IFIT3: variants seen among roughly 807,000 people sequenced by gnomAD.
IFIT3 encodes interferon-induced protein with tetratricopeptide repeats 3.
Under a neutral mutation model 2.4 loss-of-function variants are expected in IFIT3, and 2 were observed. The ratio of observed to expected loss-of-function variants is 0.82; its 90% confidence interval spans 0.34 to 2.60. IFIT3 has a LOEUF of 2.60. Ranked by LOEUF, IFIT3 falls within the 30% of genes most tolerant of loss-of-function variation. IFIT3 has a pLI of 0.11. For synonymous variants in IFIT3, 203 were observed against 212.1 expected, an observed-to-expected ratio of 0.96 and a Z score of 0.37; for missense variants, 481 against 562.4, an observed-to-expected ratio of 0.86 and a Z score of 1.46.
At chr10:89,338,151 G>A (rs1843776610) in intron 1 of IFIT3, 1 of 154,410 alleles carries the variant, frequency 6.5e-6, no homozygotes, top group Non-Finnish European at 1.4e-5. Context: ...ATAAGTCAAG[G>A]AACATCTATA....
At chr10:89,337,883 C>A (rs578232226) in intron 1 of IFIT3, among the ~76,000 whole-genome samples, 28 of 152,298 alleles carry the variant, frequency 1.8e-4, no homozygotes, top group African/African-American at 6.5e-4. Flanking sequence ...ATTTTTCCAA[C>A]CTTGTGATGG....
At chr10:89,329,598 G>A (rs1455655301) in intron 1 of IFIT3, among the ~76,000 whole-genome samples, 1 of 152,102 alleles carries the variant, frequency 6.6e-6, no homozygotes, top group Non-Finnish European at 1.5e-5. Flanking sequence ...AAAATCACCT[G>A]GAGAACTCAC....
intron 1 of IFIT3, among the ~76,000 whole-genome samples, chr10:89,336,648 G>A (rs1343312858): frequency 6.6e-6 from 1 of 152,162 alleles, no homozygotes; most frequent in Non-Finnish European, 1.5e-5. Context: ...CTTTTTCAGT[G>A]GCAAGGAAAA....
intron 1 of IFIT3, chr10:89,332,443 TCCCCTC>T (rs2133545339): frequency 2.1e-6 from 3 of 1,413,598 alleles, no homozygotes; most frequent in Admixed American, 2.9e-5. Context: ...TGTTTCAGTT[TCCCCTC>T]AAGAGGGATC....
chr10:89,332,004 G>A (rs536024650), intron 1 of IFIT3, among the ~76,000 whole-genome samples: 41 of 152,226 alleles, frequency 2.7e-4, no homozygotes, highest in African/African-American at 6.3e-4. Flanking sequence ...AGGCCAAGGC[G>A]GGCAGATCAT....
rs775883548 is a variant in IFIT3 at position 89,328,892 on chromosome 10, T to C, written c.5+814T>C. Among the ~76,000 whole-genome samples the C allele has an allele frequency of 1.3e-5, 2 of 152,312 alleles. 1 individual carries two copies. Among genetic ancestry groups the C allele is most frequent in the Middle Eastern group, 6.8e-3 (2 of 294 alleles). ...TCCCAAAAGAATCTTTTTAGAATCA[T>C]AGGAATAGTCTATAGGGAGGTAGTG... On this transcript the variant is annotated intron_variant, in intron 1 of 1. Transcript: ENST00000371818.
rs578154457 is a variant in IFIT3 at position 89,334,478 on chromosome 10, CTTTTTTTTTTTTTTTTTTTT to C, written c.6-4167_6-4148del. On this transcript the variant is annotated intron_variant, in intron 1 of 1. Transcript: ENST00000371818. ...TGTTTTTTCTTCTTTTTCTTTTATT[CTTTTTTTTTTTTTTTTTTTT>C]TTTTTTTTTTTTTTTGAGACGGAGT... Among the ~76,000 whole-genome samples, 8 of 25,334 alleles carry C rather than the reference CTTTTTTTTTTTTTTTTTTTT, an allele frequency of 3.2e-4. 1 individual carries two copies. The East Asian group carries it at 3.4e-3, about 11-fold the overall frequency. The allele number at this position is 25,334 out of a possible 152,430, so 16.6% of individuals were successfully genotyped here.
rs575579464 is a variant in IFIT3 at position 89,340,386 on chromosome 10, G to A, written c.*258G>A. The A allele has an allele frequency of 8.1e-5, 21 of 259,328 alleles. No homozygotes were observed. Among genetic ancestry groups the A allele is most frequent in the African/African-American group, 2.6e-4 (12 of 45,358 alleles). 16.1% of individuals were successfully genotyped at this position (259,328 alleles called of 1,614,324 possible). A position where few individuals can be genotyped will look rare whatever the true frequency, so the allele number is the denominator to read the frequency against. ...ATCCTGGCTAACACAGTGAAATCCC[G>A]TCTCTACTAAAAATACAAAAAATTA... is the stretch of plus-strand genomic sequence containing the variant. On this transcript the variant is annotated 3_prime_UTR_variant, in exon 2 of 2. Transcript: ENST00000371818.
At position 89,338,780 on chromosome 10, in the gene IFIT3, T is replaced by C. The variant is rs1216868717; in HGVS notation, c.125T>C (p.Ile42Thr). 3.1e-6 allele frequency: 5 copies of C among 1,613,938 alleles called. No homozygotes were observed. Among genetic ancestry groups the C allele is most frequent in the East Asian group, 2.2e-5 (1 of 44,884 alleles). Residue 42 changes from isoleucine to threonine, a missense_variant, in exon 2 of 2, where the codon ATT (isoleucine) becomes ACT (threonine). By Grantham distance (89) the Ile-to-Thr change is moderately conservative (BLOSUM62 -1). Transcript: ENST00000371818. ...RDLEDRVCNQ[I>T]EFLNTEFKAT... ...CTAGAAGATAGAGTGTGTAACCAGATTGAATTTTTAAACACTGAGTTCAAA... is the reference window on the plus strand; with the variant it reads ...CTAGAAGATAGAGTGTGTAACCAGACTGAATTTTTAAACACTGAGTTCAAA...
intron 1 of IFIT3, 27 bp downstream of exon 1, chr10:89,328,105 T>G (rs375962330): frequency 1.9e-6 from 3 of 1,612,008 alleles, no homozygotes; most frequent in Non-Finnish European, 1.7e-6. Flanking sequence ...TGCATAATCA[T>G]GCTTGTTTTT....
intron 1 of IFIT3, chr10:89,332,518 C>G: frequency 1.9e-6 from 3 of 1,608,820 alleles, no homozygotes; most frequent in Admixed American, 3.4e-5. Flanking sequence ...ACAGACCTAA[C>G]AGCACCCTGG....
chr10:89,331,057 C>T (rs1435669104), intron 1 of IFIT3, among the ~76,000 whole-genome samples: 1 of 152,212 alleles, frequency 6.6e-6, no homozygotes, highest in Non-Finnish European at 1.5e-5. Context: ...AGTAGAGCTG[C>T]ACCCAAGAAT....
At chr10:89,333,899 T>C (rs775788045) in intron 1 of IFIT3, among the ~76,000 whole-genome samples, 6 of 152,216 alleles carry the variant, frequency 3.9e-5, no homozygotes, top group Admixed American at 3.3e-4. Context: ...TTTGTGTCCA[T>C]ATGTACATTA....
At position 89,339,978 on chromosome 10, in the gene IFIT3, A is replaced by G; in HGVS notation, c.1323A>G (p.Glu441=). Residue 441 remains glutamate, a synonymous_variant, in exon 2 of 2, where the codon GAA becomes GAG. Transcript: ENST00000371818. ...AAGCAGCCAAATGTTATGAGAAGGA[A>G]CTGGGCCGCCTGCTAAGGGATGCCC... ...LLQAAKCYEK[E]LGRLLRDAPS... 6.2e-7 allele frequency: 1 copy of G among 1,614,240 alleles called. No homozygotes were observed. The highest frequency in any genetic ancestry group is 2.2e-5 in the East Asian group (1 of 44,886).
chr10:89,335,288 C>T (rs1382756516), intron 1 of IFIT3: 5 of 152,086 alleles, frequency 3.3e-5, no homozygotes, highest in Non-Finnish European at 7.4e-5. Context: ...GGCCAGCTCT[C>T]GCATTGGTAA....
chr10:89,333,137 G>A (rs1257442156), intron 1 of IFIT3, among the ~76,000 whole-genome samples: 1 of 152,242 alleles, frequency 6.6e-6, no homozygotes, highest in East Asian at 1.9e-4. Flanking sequence ...CATAATTGGG[G>A]GATATGTCTA....
At chr10:89,337,602 G>C (rs1433519407) in intron 1 of IFIT3, among the ~76,000 whole-genome samples, 1 of 152,094 alleles carries the variant, frequency 6.6e-6, no homozygotes, top group Non-Finnish European at 1.5e-5. Flanking sequence ...CTTTCGCCAT[G>C]TTGCCCAGGC....
At chr10:89,332,430 T>A (rs1021081234) in intron 1 of IFIT3, 6 of 1,369,538 alleles carry the variant, frequency 4.4e-6, no homozygotes, top group Middle Eastern at 1.9e-4. Context: ...TTCTCACAGA[T>A]TCTGTTTCAG....
chr10:89,334,396 C>T (rs552847824), intron 1 of IFIT3, among the ~76,000 whole-genome samples: 2 of 150,984 alleles, frequency 1.3e-5, no homozygotes, highest in Non-Finnish European at 2.9e-5. Flanking sequence ...CTACTAGATG[C>T]AGATCCAGGT....
Sources: allele counts gnomAD v4.1 joint callset (sites outside exome capture counted in the v4.1 genomes callset), GRCh38; gene constraint gnomAD v4.1.1; transcripts MANE v1.5; gene names NCBI Gene and HGNC (gene_info 2026-07-23, HGNC 2026-07-21).